Variants in SNX1 observed in about 807,000 individuals in gnomAD.
The protein encoded by SNX1 is sorting nexin-1.
In SNX1, 36 loss-of-function variants were observed where a neutral mutation model predicts 71.8. The ratio of observed to expected loss-of-function variants is 0.50; its 90% CI spans 0.38 to 0.66. The LOEUF (loss-of-function observed/expected upper bound fraction) is 0.66, where lower values mean the gene tolerates loss of function less well. Ranked by LOEUF, SNX1 falls within the 30% of genes least tolerant of loss-of-function variation. The pLI, the probability that SNX1 is intolerant of heterozygous loss-of-function variation, is 0.00. For synonymous variants in SNX1, 254 were observed against 240.7 expected, an observed-to-expected ratio of 1.06 and a Z score of -0.51; for missense variants, 612 against 646.7, an observed-to-expected ratio of 0.95 and a Z score of 0.58.
intron 5 of SNX1, 57 bp downstream of exon 5, chr15:64,123,603 A>C (rs2081217470): frequency 7.3e-7 from 1 of 1,371,808 alleles, no homozygotes; most frequent in Non-Finnish European, 1.0e-6. Flanking sequence ...GCTTATACCA[A>C]GGTCATCATT....
At position 64,137,650 on chromosome 15, in the gene SNX1, A is replaced by G. The variant is rs1323241112; in HGVS notation, c.*32A>G. On this transcript the variant is annotated 3_prime_UTR_variant, in exon 15 of 15. Transcript: ENST00000559844. ...AAGGACCCCAGAGCCCACCTGTGTG[A>G]CGCTGCCTTTTTATACACTGTCCTC... 1 of 1,613,940 alleles carries G rather than the reference A, an allele frequency of 6.2e-7. No individual in the cohort carries two copies. Among genetic ancestry groups the G allele is most frequent in the Non-Finnish European group, 8.5e-7 (1 of 1,179,976 alleles).
intron 8 of SNX1, among the ~76,000 whole-genome samples, chr15:64,128,412 G>A (rs546824873): frequency 6.6e-6 from 1 of 152,326 alleles, no homozygotes; most frequent in South Asian, 2.1e-4. Context: ...AAATACAGCT[G>A]TAGAAACATG....
intron 1 of SNX1, among the ~76,000 whole-genome samples, chr15:64,098,506 A>G (rs574376810): frequency 6.6e-6 from 1 of 152,324 alleles, no homozygotes; most frequent in South Asian, 2.1e-4. Context: ...CAGGCTGGCC[A>G]ACATGGCAAA....
chr15:64,098,689 CAAAA>C (rs11448636), intron 1 of SNX1, among the ~76,000 whole-genome samples: 1 of 100,242 alleles, frequency 1.0e-5, no homozygotes, highest in Admixed American at 1.1e-4. Flanking sequence ...GACTCTCTCT[CAAAA>C]AAAAAAAAAA....
Position 64,142,426 on chromosome 15 carries a change from C to T in SNX1, c.*4808C>T. 3.2e-6 allele frequency: 1 copy of T among 309,576 alleles called. No homozygotes were observed. The highest frequency in any genetic ancestry group is 6.4e-6 in the Non-Finnish European group (1 of 155,594). 19.2% of individuals were successfully genotyped at this position (309,576 alleles called of 1,614,324 possible). On this transcript the variant is annotated 3_prime_UTR_variant, in exon 15 of 15. Transcript: ENST00000559844. ...TTGTTTTATTTAAAGGTGGGACAAA[C>T]TTAAGCATGTTAATAAAATTCAGAG...
At chr15:64,112,361 G>C (rs142407020) in intron 1 of SNX1, among the ~76,000 whole-genome samples, 1 of 152,214 alleles carries the variant, frequency 6.6e-6, no homozygotes, top group Non-Finnish European at 1.5e-5. Context: ...GCATTTGAGC[G>C]AGGTTATGCT....
At chr15:64,109,459 A>C (rs2081056256) in intron 1 of SNX1, among the ~76,000 whole-genome samples, 1 of 152,208 alleles carries the variant, frequency 6.6e-6, no homozygotes, top group South Asian at 2.1e-4. Context: ...AATGAATGGA[A>C]AGAAATTTTC....
rs763778795 is a variant in SNX1 at position 64,134,844 on chromosome 15, G to T, written c.1365+37G>T. ...GAGGCAGCCCAGCCAGGGGTGTTCT[G>T]CTGGTTCCAAATGAACCCAGGGCCC... On this transcript the variant is annotated intron_variant, in intron 12 of 14. Transcript: ENST00000559844. This position sits in a 1 kb window ranked among gnomAD's most constrained non-coding sequence, Gnocchi z 4.1. The T allele has an allele frequency of 1.9e-6, 3 of 1,610,496 alleles. No individual in the cohort carries two copies. In the East Asian group the frequency reaches 6.7e-5, roughly 36 times the overall value.
chr15:64,121,012 A>G (rs1352199927), intron 4 of SNX1, among the ~76,000 whole-genome samples: 4 of 152,220 alleles, frequency 2.6e-5, no homozygotes, highest in African/African-American at 9.6e-5. Context: ...GTGGCCCATG[A>G]TAGATCCTGG....
intron 4 of SNX1, among the ~76,000 whole-genome samples, chr15:64,123,280 A>G (rs1222090117): frequency 6.6e-6 from 1 of 152,210 alleles, no homozygotes; most frequent in Non-Finnish European, 1.5e-5. Context: ...GTGTAACTCA[A>G]ACTGGGGCTC....
Position 64,134,598 on chromosome 15 carries a change from C to T in SNX1, c.1222-66C>T, listed in dbSNP as rs937977894. The stretch of plus-strand genomic sequence containing the variant: ...TGGTGCAGCTGCTGGGAGAGCCTGC[C>T]TCGAGGCAGAGCCAGCAGAGCTCTT... On this transcript the variant is annotated intron_variant, in intron 11 of 14. Transcript: ENST00000559844. This position sits in a 1 kb window ranked among gnomAD's most constrained non-coding sequence, Gnocchi z 4.1. 44 of 1,544,976 alleles carry T rather than the reference C, an allele frequency of 2.8e-5. No individual in the cohort carries two copies. The highest frequency in any genetic ancestry group is 3.7e-5 in the Non-Finnish European group (42 of 1,142,238).
At chr15:64,137,534 G>T in intron 14 of SNX1, 34 bp from the exon 15 acceptor site, 1 of 1,613,622 alleles carries the variant, frequency 6.2e-7, no homozygotes, top group Non-Finnish European at 8.5e-7. Flanking sequence ...CCACTAGGTG[G>T]GGGCACTTGC....
chr15:64,112,451 T>C, intron 1 of SNX1, 122 bp from the exon 2 acceptor site: 1 of 609,356 alleles, frequency 1.6e-6, no homozygotes, highest in Non-Finnish European at 2.9e-6. Flanking sequence ...CTAATAACGA[T>C]TTGCTGCTTA....
intron 4 of SNX1, among the ~76,000 whole-genome samples, chr15:64,120,898 G>A (rs1324711498): frequency 6.6e-6 from 1 of 152,116 alleles, no homozygotes; most frequent in Non-Finnish European, 1.5e-5. Flanking sequence ...TTCCCAGACT[G>A]TTGGACTGGT....
intron 1 of SNX1, among the ~76,000 whole-genome samples, chr15:64,110,566 TA>T (rs890466716): frequency 6.6e-6 from 1 of 152,074 alleles, no homozygotes; most frequent in African/African-American, 2.4e-5. Flanking sequence ...CAGGCTACTT[TA>T]AAAAAAATTT....
chr15:64,126,440 T>C (rs2081253707), intron 6 of SNX1, among the ~76,000 whole-genome samples: 1 of 152,194 alleles, frequency 6.6e-6, no homozygotes, highest in African/African-American at 2.4e-5. Context: ...CCTCCAGAGA[T>C]GTTCGTTTGT....
intron 1 of SNX1, among the ~76,000 whole-genome samples, chr15:64,096,962 A>G (rs1231207094): frequency 1.3e-5 from 2 of 152,246 alleles, no homozygotes; most frequent in Non-Finnish European, 2.9e-5. Context: ...GGAATGAAAC[A>G]CAAACGAAGC....
intron 2 of SNX1, among the ~76,000 whole-genome samples, chr15:64,116,703 T>C (rs1252638834): frequency 6.6e-6 from 1 of 152,266 alleles, no homozygotes; most frequent in Non-Finnish European, 1.5e-5. Flanking sequence ...TTATGTTTTC[T>C]GTTACTAAAA....
chr15:64,103,477 A>C (rs1327370285), intron 1 of SNX1, among the ~76,000 whole-genome samples: 2 of 152,120 alleles, frequency 1.3e-5, no homozygotes, highest in Non-Finnish European at 2.9e-5. Flanking sequence ...TTTCTTTCTC[A>C]TGAAAATTGT....
Sources: gnomAD v4.1 joint callset for allele counts (sites outside exome capture counted in the v4.1 genomes callset) on GRCh38, gnomAD v4.1.1 for gene constraint, Gnocchi (gnomAD v3.1) non-coding constraint, MANE v1.5 for transcripts, NCBI Gene and HGNC (gene_info 2026-07-23, HGNC 2026-07-21) for gene names.